Variants in ANKHD1 observed in about 807,000 individuals in gnomAD.
The protein encoded by ANKHD1 is ankyrin repeat and KH domain-containing protein 1.
In ANKHD1, 31 loss-of-function variants were observed where a neutral mutation model predicts 230.5. The ratio of observed to expected loss-of-function variants is 0.13; its 90% CI spans 0.10 to 0.18. ANKHD1 has a LOEUF of 0.18. Ranked by LOEUF, ANKHD1 falls within the 10% of genes least tolerant of loss-of-function variation. The pLI, the probability that ANKHD1 is intolerant of heterozygous loss-of-function variation, is 1.00. For synonymous variants in ANKHD1, 1,074 were observed against 1,117.6 expected (o/e 0.96, Z 0.78); for missense variants, 2,256 against 3,071.3 (o/e 0.73, Z 6.27).
chr5:140,528,740 A>G lies in ANKHD1; in HGVS notation c.5794A>G (p.Ser1932Gly). ...PSESAGLATA[S>G]CPITVSSVVA... The stretch of plus-strand genomic sequence containing the variant: ...AGAGTCTGCTGGACTAGCTACTGCC[A>G]GTTGTCCTATCACTGTCTCTTCTGT... Residue 1932 changes from serine (S) to glycine (G), a missense_variant, in exon 29 of 34, where the codon AGT becomes GGT. Physicochemically the swap from Ser to Gly is moderately conservative, Grantham distance 56 (BLOSUM62 0). Transcript: ENST00000360839. 2 of 1,614,226 alleles carry G rather than the reference A, an allele frequency of 1.2e-6. No homozygotes were observed. The highest frequency in any genetic ancestry group is 1.6e-4 in the Middle Eastern group (1 of 6,062).
At chr5:140,516,547 G>A (rs552738255) in intron 24 of ANKHD1, among the ~76,000 whole-genome samples, 23 of 152,164 alleles carry the variant, frequency 1.5e-4, no homozygotes, top group Non-Finnish European at 3.1e-4. Flanking sequence ...GAGAAAGGTC[G>A]GGTTACCCTC....
At chr5:140,421,810 G>C (rs1358025142) in intron 1 of ANKHD1, among the ~76,000 whole-genome samples, 1 of 152,102 alleles carries the variant, frequency 6.6e-6, no homozygotes, top group African/African-American at 2.4e-5. Flanking sequence ...TTGACTGATA[G>C]GTTAGCAATG....
chr5:140,467,001 G>A (rs1036089170), intron 10 of ANKHD1, among the ~76,000 whole-genome samples: 3 of 150,890 alleles, frequency 2.0e-5, no homozygotes, highest in Admixed American at 1.3e-4. Context: ...TAATGCCATT[G>A]TTCTAACATA....
At position 140,497,270 on chromosome 5, in the gene ANKHD1, T is replaced by G. The variant is rs538175322; in HGVS notation, c.2996T>G (p.Leu999Arg). 6.3e-7 allele frequency: 1 copy of G among 1,599,838 alleles called. No homozygotes were observed. Among genetic ancestry groups the G allele is most frequent in the South Asian group, 1.1e-5 (1 of 90,818 alleles). Residue 999 changes from leucine (L) to arginine (R), a missense_variant, in exon 15 of 34, where the codon CTG becomes CGG. Physicochemically the swap from Leu to Arg is moderately radical, Grantham distance 102. This residue lies in a region of ANKHD1 where 358 missense variants were observed against 397.7 expected (regional missense o/e 0.90). Transcript: ENST00000360839. ...AQTLTDTLDDLIAAVSTRVPT... is the reference protein window; with the variant it reads ...AQTLTDTLDDRIAAVSTRVPT... ...ACGCTTACCGACACTCTTGATGACC[T>G]GATAGCAGGTGGGTTAAGAAATATA...
Position 140,526,002 on chromosome 5 carries a change from A to G in ANKHD1, c.4499A>G (p.Gln1500Arg). Residue 1500 changes from glutamine (Q) to arginine (R), a missense_variant, in exon 26 of 34, where the codon CAA (glutamine) becomes CGA (arginine). By Grantham distance (43) the Gln-to-Arg change is conservative. Transcript: ENST00000360839. ...TTCTTTTTAACAATTTCAGTGGAGC[A>G]AGAAGTTCCCATAGAACCTCCTAGT... is the stretch of plus-strand genomic sequence containing the variant. ...DEEENDEDVE[Q>R]EVPIEPPSAT... 1 of 1,570,410 alleles carries G rather than the reference A, an allele frequency of 6.4e-7. No homozygotes were observed. Among genetic ancestry groups the G allele is most frequent in the Non-Finnish European group, 8.6e-7 (1 of 1,165,188 alleles).
chr5:140,427,352 G>A (rs1415133631), intron 1 of ANKHD1, among the ~76,000 whole-genome samples: 1 of 140,290 alleles, frequency 7.1e-6, no homozygotes, highest in Non-Finnish European at 1.6e-5. Flanking sequence ...CCCGGACGGG[G>A]CGGCTGGCCA....
intron 14 of ANKHD1, among the ~76,000 whole-genome samples, chr5:140,494,101 C>T (rs544988693): frequency 6.6e-6 from 1 of 152,210 alleles, no homozygotes; most frequent in Non-Finnish European, 1.5e-5. Flanking sequence ...TAAATGTACT[C>T]GAGTGATGTC....
At chr5:140,406,082 C>G (rs969583459) in intron 1 of ANKHD1, among the ~76,000 whole-genome samples, 56 of 151,824 alleles carry the variant, frequency 3.7e-4, no homozygotes, top group Middle Eastern at 6.8e-3. Context: ...TCTATTAAAA[C>G]AAAAAATTAG....
At chr5:140,538,352 CTT>C in intron 32 of ANKHD1, 91 bp downstream of exon 32, 1 of 1,531,674 alleles carries the variant, frequency 6.5e-7, no homozygotes. Flanking sequence ...ATAATGCTCC[CTT>C]TTGTTTCTGT....
intron 10 of ANKHD1, chr5:140,472,120 T>C: frequency 1.3e-6 from 1 of 786,308 alleles, no homozygotes; most frequent in South Asian, 1.6e-5. Flanking sequence ...ATCTTTTTAG[T>C]TGAAGATCCT....
intron 7 of ANKHD1, among the ~76,000 whole-genome samples, chr5:140,451,661 A>G (rs939321294): frequency 2.0e-5 from 3 of 151,956 alleles, no homozygotes; most frequent in Admixed American, 6.6e-5. Context: ...GGCGCACACC[A>G]CTATGCTTGG....
rs1561788371 is a variant in ANKHD1, at chr5:140,485,981, AGTT to A, written c.2142+253_2142+255del. 3 of 441,452 alleles carry A rather than the reference AGTT, an allele frequency of 6.8e-6. No homozygotes were observed. Among genetic ancestry groups the A allele is most frequent in the Non-Finnish European group, 1.2e-5 (3 of 260,738 alleles). The allele number at this position is 441,452 out of a possible 1,614,324, so 27.3% of individuals were successfully genotyped here. On this transcript the variant is annotated intron_variant, in intron 13 of 33. Coordinates refer to ENST00000360839, the MANE Select transcript of ANKHD1 (RefSeq NM_017747.3). This position sits in a 1 kb window ranked among gnomAD's most constrained non-coding sequence, Gnocchi z 4.8. Reference sequence around the variant, plus strand: ...ATCAAATATAAACGTAAGTATTCTAAGTTGTTATCTTATTACAACTAGGTTTTT... The same window carrying A: ...ATCAAATATAAACGTAAGTATTCTAAGTTATCTTATTACAACTAGGTTTTT...
chr5:140,530,373 G>A (rs562056366), intron 29 of ANKHD1, among the ~76,000 whole-genome samples: 36 of 152,018 alleles, frequency 2.4e-4, no homozygotes, highest in African/African-American at 6.3e-4. Flanking sequence ...CACCATGCCC[G>A]GCTAATTTTT....
At position 140,440,140 on chromosome 5, in the gene ANKHD1, T is replaced by C. The variant is rs575463868; in HGVS notation, c.639T>C (p.Cys213=). 1 of 1,610,904 alleles carries C rather than the reference T, an allele frequency of 6.2e-7. No homozygotes were observed. The highest frequency in any genetic ancestry group is 1.3e-5 in the African/African-American group (1 of 74,886). The change falls in exon 4 of 34, where the codon TGT becomes TGC. Residue 213 remains cysteine (C), a synonymous_variant. Coordinates refer to ENST00000360839, the MANE Select transcript of ANKHD1 (RefSeq NM_017747.3). Reference sequence around the variant, plus strand: ...CCAGTCGCAGTCTAGCAGAAGCTTGTTCAGATGGGGATGTTAATGCTGTTC... The same window carrying C: ...CCAGTCGCAGTCTAGCAGAAGCTTGCTCAGATGGGGATGTTAATGCTGTTC... ...QVDTRSLAEA[C]SDGDVNAVRK...
At chr5:140,533,199 G>A (rs986169804) in intron 29 of ANKHD1, among the ~76,000 whole-genome samples, 2 of 152,068 alleles carry the variant, frequency 1.3e-5, no homozygotes, top group African/African-American at 4.8e-5. Flanking sequence ...TGTAATTTGA[G>A]TACTTTGGAA....
chr5:140,513,505 T>C, intron 24 of ANKHD1, 26 bp downstream of exon 24: 5 of 1,607,100 alleles, frequency 3.1e-6, no homozygotes, highest in Non-Finnish European at 4.3e-6. Context: ...AATTTTCCTT[T>C]TTAGAAATTA....
At chr5:140,463,001 A>G (rs1312215625) in intron 9 of ANKHD1, among the ~76,000 whole-genome samples, 1 of 151,144 alleles carries the variant, frequency 6.6e-6, no homozygotes, top group African/African-American at 2.4e-5. Context: ...ATACACCACT[A>G]TGCCCCGCTA....
intron 7 of ANKHD1, among the ~76,000 whole-genome samples, chr5:140,452,576 C>G (rs554634919): frequency 1.3e-5 from 2 of 152,296 alleles, no homozygotes; most frequent in East Asian, 1.9e-4. Flanking sequence ...ATTCACTGTT[C>G]TGCTGCCTCC....
chr5:140,488,445 G>A (rs1250681522), intron 14 of ANKHD1, among the ~76,000 whole-genome samples: 2 of 152,030 alleles, frequency 1.3e-5, no homozygotes, highest in Non-Finnish European at 2.9e-5. Context: ...AATTAGCCAG[G>A]TGTGTTGGTG....
Sources: allele counts gnomAD v4.1 joint callset (sites outside exome capture counted in the v4.1 genomes callset), GRCh38; gene constraint gnomAD v4.1.1; regional missense constraint gnomAD v4.1.1; non-coding constraint Gnocchi (gnomAD v3.1); transcripts MANE v1.5; gene names NCBI Gene and HGNC (gene_info 2026-07-23, HGNC 2026-07-21).